The following AP2S1 variants were observed in gnomAD, a reference collection of about 807,000 sequenced individuals.
AP2S1 encodes the protein AP-2 complex subunit sigma.
In AP2S1, 6 loss-of-function variants were observed where a neutral mutation model predicts 21.0. The observed-to-expected ratio is 0.29, with a 90% CI of 0.16 to 0.56. AP2S1 has a LOEUF of 0.56. Ranked by LOEUF, AP2S1 falls within the 20% of genes least tolerant of loss-of-function variation. The pLI is 0.92. For missense variants in AP2S1, 60 were observed against 186.2 expected, an observed-to-expected ratio of 0.32 and a Z score of 3.95; for synonymous variants, 63 against 74.6, an observed-to-expected ratio of 0.84 and a Z score of 0.80.
intron 2 of AP2S1, 57 bp downstream of exon 2, chr19:46,845,936 T>G (rs2055622988): frequency 6.2e-6 from 10 of 1,605,374 alleles, no homozygotes; most frequent in Non-Finnish European, 8.5e-6. Flanking sequence ...GGGCAGGGAG[T>G]GGCGAAGTAG....
intron 2 of AP2S1, among the ~76,000 whole-genome samples, chr19:46,842,983 A>T (rs905194483): frequency 2.0e-5 from 3 of 151,748 alleles, no homozygotes; most frequent in African/African-American, 7.3e-5. Flanking sequence ...AAGAACCCTG[A>T]CTCGTCACTT....
intron 2 of AP2S1, among the ~76,000 whole-genome samples, chr19:46,844,756 T>C (rs1871465874): frequency 6.6e-6 from 1 of 152,094 alleles, no homozygotes; most frequent in Non-Finnish European, 1.5e-5. Flanking sequence ...GCCATGTTCG[T>C]GCCACTGCAC....
At chr19:46,849,605 C>G (rs912868408) in intron 1 of AP2S1, among the ~76,000 whole-genome samples, 1 of 152,108 alleles carries the variant, frequency 6.6e-6, no homozygotes, top group Non-Finnish European at 1.5e-5. Context: ...GTATACCTCT[C>G]CCTGTTTTCT....
chr19:46,842,442 G>A (rs920501412), intron 2 of AP2S1, among the ~76,000 whole-genome samples: 3 of 152,194 alleles, frequency 2.0e-5, no homozygotes, highest in African/African-American at 7.2e-5. Context: ...CTAGCACTGG[G>A]CTGATCACAG....
At chr19:46,850,725 C>A (rs769884592) in intron 1 of AP2S1, 39 bp downstream of exon 1, 1 of 1,512,634 alleles carries the variant, frequency 6.6e-7, no homozygotes, top group South Asian at 1.1e-5. Context: ...CGCGTGGGCC[C>A]CCCCTCCGCC....
chr19:46,850,465 C>A lies in AP2S1; in HGVS notation c.3+299G>T. The A allele has an allele frequency of 6.9e-6, 5 of 720,078 alleles. No homozygotes were observed. In the South Asian group the frequency reaches 1.5e-4, roughly 22 times the overall value. The allele number at this position is 720,078 out of a possible 1,614,324, so 44.6% of individuals were successfully genotyped here. A position where few individuals can be genotyped will look rare whatever the true frequency, so the allele number is the denominator to read the frequency against. On this transcript the variant is annotated intron_variant, in intron 1 of 4. Transcript: ENST00000263270. ...TCGCTACCCACAAGACTGTGTCTCA[C>A]GAGTTTCCTCTCGTTTCAAAGCTTC...
In AP2S1 at chr19:46,838,698, C is replaced by T. The variant is rs2122753523; in HGVS notation, c.327+42G>A. ...GTGCACCACGGGTCCCCCCCGTCCC[C>T]CTCCTCTGGCTCCTTCAGCCTCCTC... is the stretch of plus-strand genomic sequence containing the variant. On this transcript the variant is annotated intron_variant, in intron 4 of 4. Transcript: ENST00000263270. The surrounding 1 kb of genome is among the most constrained non-coding windows in gnomAD (Gnocchi z 4.1). The T allele has an allele frequency of 1.9e-6, 3 of 1,608,752 alleles. No homozygotes were observed. Among genetic ancestry groups the T allele is most frequent in the South Asian group, 1.1e-5 (1 of 90,794 alleles).
At chr19:46,840,412 G>A (rs1032051298) in intron 2 of AP2S1, among the ~76,000 whole-genome samples, 2 of 150,702 alleles carry the variant, frequency 1.3e-5, no homozygotes, top group South Asian at 2.1e-4. Flanking sequence ...GAGGCCGGGC[G>A]AGAGGATCAC....
intron 1 of AP2S1, among the ~76,000 whole-genome samples, chr19:46,846,448 T>G (rs1330143577): frequency 2.8e-5 from 4 of 145,064 alleles, no homozygotes; most frequent in East Asian, 2.0e-4. Flanking sequence ...TCTGTTTTTT[T>G]TTTTTTTTTT....
In AP2S1 at chr19:46,844,840, G is replaced by A. The variant is rs545635065; in HGVS notation, c.153+1153C>T. Among the ~76,000 whole-genome samples, 26 of 152,112 alleles carry A rather than the reference G, an allele frequency of 1.7e-4. No homozygotes were observed. The South Asian group carries it at 5.2e-3, about 30-fold the overall frequency. On this transcript the variant is annotated intron_variant, in intron 2 of 4. Coordinates refer to ENST00000263270, the MANE Select transcript of AP2S1 (RefSeq NM_004069.6). ...AAGAGGGACAGGCATGGTGGCTCAC[G>A]CCTGTAATCCCAGCACTTTGGGAGG...
intron 2 of AP2S1, among the ~76,000 whole-genome samples, chr19:46,843,738 T>G (rs1264650217): frequency 6.6e-6 from 1 of 150,748 alleles, no homozygotes; most frequent in Non-Finnish European, 1.5e-5. Flanking sequence ...AAAAAAAAAT[T>G]TAAAAATTAG....
chr19:46,838,255 C>T lies in AP2S1; in HGVS notation c.*192G>A, dbSNP rs1359329130. 21 of 603,372 alleles carry T rather than the reference C, an allele frequency of 3.5e-5. No homozygotes were observed. The highest frequency in any genetic ancestry group is 2.3e-4 in the Admixed American group (8 of 34,570). The allele number at this position is 603,372 out of a possible 1,614,324, so 37.4% of individuals were successfully genotyped here. ...ACGGCACGGTTACTCGGGACACACACGGTGGCCTCTGCCCACAGCCAGGGC... is the reference window on the plus strand; with the variant it reads ...ACGGCACGGTTACTCGGGACACACATGGTGGCCTCTGCCCACAGCCAGGGC... On this transcript the variant is annotated 3_prime_UTR_variant, in exon 5 of 5. Coordinates refer to ENST00000263270, the MANE Select transcript of AP2S1 (RefSeq NM_004069.6). This position sits in a 1 kb window ranked among gnomAD's most constrained non-coding sequence, Gnocchi z 4.1.
intron 2 of AP2S1, among the ~76,000 whole-genome samples, chr19:46,843,356 C>T (rs750184013): frequency 6.6e-6 from 1 of 152,202 alleles, no homozygotes; most frequent in Non-Finnish European, 1.5e-5. Flanking sequence ...GGCCAATGGC[C>T]ATGCTCTGCT....
Position 46,850,748 on chromosome 19 carries a change from A to G in AP2S1, c.3+16T>C. 1.3e-6 allele frequency: 2 copies of G among 1,576,670 alleles called. No individual in the cohort carries two copies. Among genetic ancestry groups the G allele is most frequent in the Non-Finnish European group, 1.7e-6 (2 of 1,151,550 alleles). ...CCCCCCCTCCGCCAGTCCCCGGCGT[A>G]GCGCTCCCCCGTTACCATGGCGACC... On this transcript the variant is annotated intron_variant, in intron 1 of 4. Coordinates refer to ENST00000263270, the MANE Select transcript of AP2S1 (RefSeq NM_004069.6).
rs755173359 is a variant in AP2S1, at chr19:46,838,707, G to T, written c.327+33C>A. ...GGGTCCCCCCCGTCCCCCTCCTCTG[G>T]CTCCTTCAGCCTCCTCTTCACCAGG... On this transcript the variant is annotated intron_variant, in intron 4 of 4. Transcript: ENST00000263270. This position sits in a 1 kb window ranked among gnomAD's most constrained non-coding sequence, Gnocchi z 4.1. 3.4e-5 allele frequency: 55 copies of T among 1,609,738 alleles called. 1 individual carries two copies. The South Asian group carries it at 5.5e-4, about 16-fold the overall frequency.
At position 46,839,489 on chromosome 19, in the gene AP2S1, C is replaced by T; in HGVS notation, c.243G>A (p.Leu81=). The change falls in exon 3 of 5, where the codon CTG becomes CTA. Residue 81 remains leucine (L), a synonymous_variant. Coordinates refer to ENST00000263270, the MANE Select transcript of AP2S1 (RefSeq NM_004069.6). ...VDVNDNNLAY[L]EAIHNFVEVL... ...CCTCCACGAAGTTGTGAATGGCCTC[C>T]AGGTAAGCCAGGTTGTTGTCATTGA... 1 of 1,613,558 alleles carries T rather than the reference C, an allele frequency of 6.2e-7. No individual in the cohort carries two copies. Among genetic ancestry groups the T allele is most frequent in the South Asian group, 1.1e-5 (1 of 91,050 alleles).
chr19:46,844,436 C>T (rs939125416), intron 2 of AP2S1, among the ~76,000 whole-genome samples: 1 of 152,186 alleles, frequency 6.6e-6, no homozygotes, highest in Non-Finnish European at 1.5e-5. Context: ...CCTTCCTCCC[C>T]GTCAAGTCCT....
chr19:46,845,278 C>T (rs933979216), intron 2 of AP2S1, among the ~76,000 whole-genome samples: 15 of 151,254 alleles, frequency 9.9e-5, no homozygotes, highest in Admixed American at 4.6e-4. Context: ...TTGTGGTGCA[C>T]GCCTGTAATC....
chr19:46,846,778 G>T (rs1388373294), intron 1 of AP2S1, among the ~76,000 whole-genome samples: 2 of 152,084 alleles, frequency 1.3e-5, no homozygotes, highest in Non-Finnish European at 2.9e-5. Context: ...CGATTCTCCT[G>T]CCTCAGTGTC....
Sources: gnomAD v4.1 joint callset for allele counts (sites outside exome capture counted in the v4.1 genomes callset) on GRCh38, gnomAD v4.1.1 for gene constraint, Gnocchi (gnomAD v3.1) non-coding constraint, MANE v1.5 for transcripts, NCBI Gene and HGNC (gene_info 2026-07-23, HGNC 2026-07-21) for gene names.